TCF3: variants seen among roughly 807,000 people sequenced by gnomAD.
TCF3 encodes transcription factor E2-alpha.
Under a neutral mutation model 72.3 loss-of-function variants are expected in TCF3, and 54 were observed. The observed-to-expected ratio is 0.75, with a 90% CI of 0.60 to 0.94. The LOEUF is 0.94. TCF3 is among the 40% of genes least tolerant of loss of function. The pLI, the probability that TCF3 is intolerant of heterozygous loss-of-function variation, is 0.00. For synonymous variants in TCF3, 525 were observed against 412.6 expected (o/e 1.27, Z -3.30); for missense variants, 1,078 against 934.4 (o/e 1.15, Z -2.00).
At chr19:1,642,109 G>T (rs971637609) in intron 3 of TCF3, among the ~76,000 whole-genome samples, 2 of 150,448 alleles carry the variant, frequency 1.3e-5, no homozygotes, top group Admixed American at 6.7e-5. Flanking sequence ...GAAGGTGCAT[G>T]TCTCAAAACT....
Position 1,650,210 on chromosome 19 carries a change from G to A in TCF3, c.39C>T (p.Asp13=). ...AGTCCAGGAGGTCACTGAGCTCCTT[G>A]TCTGTGCCCACAGGCGCCATCCTCT... is the stretch of plus-strand genomic sequence containing the variant. The part of the protein sequence containing the change: ...QPQRMAPVGT[D]KELSDLLDFS... The change falls in exon 2 of 19, where the codon GAC becomes GAT. Residue 13 remains aspartate (D), a synonymous_variant. Coordinates refer to ENST00000262965, the MANE Select transcript of TCF3 (RefSeq NM_003200.5). The A allele has an allele frequency of 6.4e-7, 1 of 1,573,672 alleles. No individual in the cohort carries two copies. The highest frequency in any genetic ancestry group is 8.6e-7 in the Non-Finnish European group (1 of 1,161,068).
chr19:1,651,780 G>A (rs1472786541), intron 1 of TCF3, among the ~76,000 whole-genome samples: 7 of 151,782 alleles, frequency 4.6e-5, no homozygotes, highest in Admixed American at 4.6e-4. Context: ...CATTAACGCG[G>A]AGCAGATGTT....
chr19:1,648,826 G>GT (rs1568522478), intron 2 of TCF3, among the ~76,000 whole-genome samples: 1 of 147,292 alleles, frequency 6.8e-6, no homozygotes, highest in Non-Finnish European at 1.5e-5. Context: ...ATGGGGGGGG[G>GT]GGGGGAGCAG....
rs1299591474 is a variant in TCF3, at chr19:1,652,371, A to C, written c.-111T>G. Reference sequence around the variant, plus strand: ...ATGAAGCGGGGGGGCCCCCCCCCGGACAAAGGTGCGTCGCGGCCGGGCCCC... The same window carrying C: ...ATGAAGCGGGGGGGCCCCCCCCCGGCCAAAGGTGCGTCGCGGCCGGGCCCC... On this transcript the variant is annotated 5_prime_UTR_variant, in exon 1 of 19. Transcript: ENST00000262965. 1.5e-5 allele frequency: 2 copies of C among 135,340 alleles called. No homozygotes were observed. The highest frequency in any genetic ancestry group is 2.7e-5 in the African/African-American group (1 of 37,168). The allele number at this position is 135,340 out of a possible 1,614,324, so 8.4% of individuals were successfully genotyped here. A position where few individuals can be genotyped will look rare whatever the true frequency, so the allele number is the denominator to read the frequency against.
intron 18 of TCF3, chr19:1,612,398 T>C (rs1314210855): frequency 6.2e-7 from 1 of 1,613,616 alleles, no homozygotes; most frequent in Non-Finnish European, 8.5e-7. Context: ...GTCCCTCAGG[T>C]CTTTCTCCTC....
At chr19:1,649,911 T>C (rs945449605) in intron 2 of TCF3, among the ~76,000 whole-genome samples, 1 of 152,230 alleles carries the variant, frequency 6.6e-6, no homozygotes, top group Non-Finnish European at 1.5e-5. Flanking sequence ...CCCAGGACCA[T>C]GCCCCTGAGG....
rs1439075185 is a variant in TCF3 at position 1,611,824 on chromosome 19, G to T, written c.1848C>A (p.Ala616=). ...VRERNLNPKA[A]CLKRREEEKV... is the part of the protein sequence containing the mutation. ...TTTCCTCTTCTCGCCGTTTCAAACA[G>T]GCTGCTTTGGGATTCAGGTTCCGCT... The change falls in exon 19 of 19, where the codon GCC becomes GCA. Residue 616 remains alanine, a synonymous_variant. Transcript: ENST00000262965. The T allele has an allele frequency of 3.1e-6, 5 of 1,613,338 alleles. No individual in the cohort carries two copies. The East Asian group carries it at 1.1e-4, about 36-fold the overall frequency.
At chr19:1,641,443 C>A (rs2065230844) in intron 3 of TCF3, among the ~76,000 whole-genome samples, 1 of 152,032 alleles carries the variant, frequency 6.6e-6, no homozygotes, top group South Asian at 2.1e-4. Flanking sequence ...ACAGCAAGAC[C>A]CCATCTAGAC....
chr19:1,624,797 GTC>G (rs1385009904), intron 7 of TCF3, among the ~76,000 whole-genome samples: 2 of 152,236 alleles, frequency 1.3e-5, no homozygotes, highest in Non-Finnish European at 2.9e-5. Flanking sequence ...CCTGTCCTTG[GTC>G]TATTCAGAGC....
intron 6 of TCF3, 147 bp downstream of exon 6, chr19:1,627,212 C>T: frequency 4.4e-6 from 2 of 454,636 alleles, no homozygotes; most frequent in Non-Finnish European, 4.0e-6. Flanking sequence ...ACCCACCCAG[C>T]CCACCCTGGC....
chr19:1,621,053 G>C lies in TCF3; in HGVS notation c.1015-7C>G. The C allele has an allele frequency of 6.6e-7, 1 of 1,516,230 alleles. No individual in the cohort carries two copies. The highest frequency in any genetic ancestry group is 8.9e-7 in the Non-Finnish European group (1 of 1,125,404). The allele number at this position is 1,516,230 out of a possible 1,614,324, so 93.9% of individuals were successfully genotyped here. Reference sequence around the variant, plus strand: ...AGTGATCCGGGGAGTAGATCTGCGAGGAGGACCAGGAGAGATGGGCGGTCA... The same window carrying C: ...AGTGATCCGGGGAGTAGATCTGCGACGAGGACCAGGAGAGATGGGCGGTCA... On this transcript the variant is annotated splice_region_variant and splice_polypyrimidine_tract_variant and intron_variant, in intron 12 of 18. Transcript: ENST00000262965.
chr19:1,646,741 G>T (rs544953087), intron 2 of TCF3, among the ~76,000 whole-genome samples: 2 of 152,240 alleles, frequency 1.3e-5, no homozygotes, highest in South Asian at 4.1e-4. Flanking sequence ...TGCTCTGGGG[G>T]GAGGGGTATC....
chr19:1,632,166 C>T, intron 4 of TCF3, 50 bp from the exon 5 acceptor site: 2 of 1,587,916 alleles, frequency 1.3e-6, no homozygotes, highest in Non-Finnish European at 1.7e-6. Context: ...CACAGGCCCC[C>T]CCTCCACCCC....
Position 1,615,266 on chromosome 19 carries a change from G to T in TCF3, c.1822+19C>A. 1 of 1,560,990 alleles carries T rather than the reference G, an allele frequency of 6.4e-7. No individual in the cohort carries two copies. The highest frequency in any genetic ancestry group is 8.7e-7 in the Non-Finnish European group (1 of 1,149,200). On this transcript the variant is annotated intron_variant, in intron 18 of 18. Coordinates refer to ENST00000262965, the MANE Select transcript of TCF3 (RefSeq NM_003200.5). The surrounding 1 kb of genome is among the most constrained non-coding windows in gnomAD (Gnocchi z 7.3). ...AGGGTGGCGCTGCAGGGACGCTGGT[G>T]GCCCGCGCCCCCACTGACCTCGCAC... is the stretch of plus-strand genomic sequence containing the variant.
intron 3 of TCF3, among the ~76,000 whole-genome samples, chr19:1,640,292 T>G (rs980858559): frequency 6.6e-6 from 1 of 151,916 alleles, no homozygotes; most frequent in African/African-American, 2.4e-5. Flanking sequence ...TCCCAGCACT[T>G]TGGGAGGCCG....
chr19:1,630,256 G>C (rs988798595), intron 5 of TCF3, among the ~76,000 whole-genome samples: 1 of 152,202 alleles, frequency 6.6e-6, no homozygotes, highest in African/African-American at 2.4e-5. Flanking sequence ...CCCCGGCAGG[G>C]GGGCGGGGCC....
At chr19:1,620,739 A>G (rs2062090821) in intron 13 of TCF3, among the ~76,000 whole-genome samples, 1 of 152,128 alleles carries the variant, frequency 6.6e-6, no homozygotes, top group African/African-American at 2.4e-5. Context: ...TGGATTGCCC[A>G]GTGGAACACA....
At position 1,622,430 on chromosome 19, in the gene TCF3, G is replaced by A. The variant is rs1452238416; in HGVS notation, c.550-15C>T. 4.6e-6 allele frequency: 6 copies of A among 1,316,142 alleles called. No homozygotes were observed. The highest frequency in any genetic ancestry group is 2.5e-5 in the East Asian group (1 of 39,698). The allele number at this position is 1,316,142 out of a possible 1,614,324, so 81.5% of individuals were successfully genotyped here. On this transcript the variant is annotated splice_polypyrimidine_tract_variant and intron_variant, in intron 8 of 18. Transcript: ENST00000262965. ...GGTGGGTACACCTGCGGGCGGGTGG[G>A]CGGTGGGGGGTGCAGTCAGGACGGA... is the stretch of plus-strand genomic sequence containing the variant.
At chr19:1,640,641 A>T (rs1439571948) in intron 3 of TCF3, among the ~76,000 whole-genome samples, 1 of 151,652 alleles carries the variant, frequency 6.6e-6, no homozygotes, top group African/African-American at 2.4e-5. Context: ...ACAAGGTGAA[A>T]CCCCGTCTCT....
Sources: gnomAD v4.1 joint callset for allele counts (sites outside exome capture counted in the v4.1 genomes callset) on GRCh38, gnomAD v4.1.1 for gene constraint, Gnocchi (gnomAD v3.1) non-coding constraint, MANE v1.5 for transcripts, NCBI Gene and HGNC (gene_info 2026-07-23, HGNC 2026-07-21) for gene names.